Variants in ELF2 observed in about 807,000 individuals in gnomAD.
ELF2 encodes E74 like ETS transcription factor 2, also known as ETS-related transcription factor Elf-2.
ELF2 carries 11 observed loss-of-function variants against 54.8 expected under a neutral mutation model. That is an observed-to-expected ratio of 0.20 (90% CI 0.13 to 0.33). The LOEUF is 0.33. ELF2 is among the 10% of genes least tolerant of loss of function. The pLI, the probability that ELF2 is intolerant of heterozygous loss-of-function variation, is 1.00. For synonymous variants in ELF2, 203 were observed against 245.1 expected, an observed-to-expected ratio of 0.83 and a Z score of 1.61; for missense variants, 513 against 703.0, an observed-to-expected ratio of 0.73 and a Z score of 3.06.
chr4:139,120,412 C>T (rs943522356), intron 4 of ELF2, among the ~76,000 whole-genome samples: 14 of 152,052 alleles, frequency 9.2e-5, no homozygotes, highest in African/African-American at 1.9e-4. Context: ...ACAATTAATC[C>T]TATATCCAAC....
intron 4 of ELF2, among the ~76,000 whole-genome samples, chr4:139,107,790 C>T (rs1002692605): frequency 6.6e-6 from 1 of 152,108 alleles, no homozygotes; most frequent in Admixed American, 6.5e-5. Flanking sequence ...CCAAATATAA[C>T]ATAACAACTC....
chr4:139,112,165 CA>C, intron 4 of ELF2, among the ~76,000 whole-genome samples: 1 of 152,210 alleles, frequency 6.6e-6, no homozygotes, highest in Non-Finnish European at 1.5e-5. Flanking sequence ...TCTCATAATT[CA>C]TATCTAGCCC....
At chr4:139,160,654 G>A (rs142700681) in intron 1 of ELF2, among the ~76,000 whole-genome samples, 161 of 152,190 alleles carry the variant, frequency 1.1e-3, no homozygotes, top group African/African-American at 3.6e-3. Flanking sequence ...CAAAATATAC[G>A]GGAGATTTAA....
chr4:139,144,090 G>C (rs537411114), intron 1 of ELF2, among the ~76,000 whole-genome samples: 2 of 152,110 alleles, frequency 1.3e-5, no homozygotes, highest in South Asian at 4.1e-4. Context: ...GAACTTAATG[G>C]AAAAACGGAA....
At chr4:139,176,315 C>G (rs1177378398) in intron 1 of ELF2, among the ~76,000 whole-genome samples, 1 of 152,226 alleles carries the variant, frequency 6.6e-6, no homozygotes, top group Non-Finnish European at 1.5e-5. Flanking sequence ...CGAGTACAAC[C>G]TGTCGTGCAA....
At chr4:139,063,708 C>A (rs1166204804) in intron 7 of ELF2, among the ~76,000 whole-genome samples, 1 of 152,052 alleles carries the variant, frequency 6.6e-6, no homozygotes, top group African/African-American at 2.4e-5. Context: ...TATCACAAAG[C>A]AATGCATAAT....
intron 1 of ELF2, among the ~76,000 whole-genome samples, chr4:139,156,491 A>C (rs554287839): frequency 1.3e-5 from 2 of 151,758 alleles, no homozygotes; most frequent in Non-Finnish European, 2.9e-5. Flanking sequence ...ACTTATACAT[A>C]TATTCTTGTG....
At chr4:139,121,320 G>A (rs754419625) in intron 4 of ELF2, among the ~76,000 whole-genome samples, 30 of 151,206 alleles carry the variant, frequency 2.0e-4, no homozygotes, top group East Asian at 1.9e-4. Flanking sequence ...GTGTTAGCCA[G>A]GATGGTCTCG....
At chr4:139,072,865 T>G (rs895419563) in intron 5 of ELF2, among the ~76,000 whole-genome samples, 1 of 152,192 alleles carries the variant, frequency 6.6e-6, no homozygotes. Flanking sequence ...TGAATCCCAA[T>G]GAGAAGGTGA....
chr4:139,100,213 T>C (rs545032365), intron 4 of ELF2, among the ~76,000 whole-genome samples: 16 of 152,350 alleles, frequency 1.1e-4, no homozygotes, highest in African/African-American at 2.9e-4. Flanking sequence ...AATGTTAATA[T>C]GTAAAACCCT....
chr4:139,088,498 A>G (rs542837469), intron 4 of ELF2, among the ~76,000 whole-genome samples: 1 of 152,150 alleles, frequency 6.6e-6, no homozygotes, highest in Non-Finnish European at 1.5e-5. Flanking sequence ...CCATCTTACT[A>G]CTTCTCCAAA....
rs952016700 is a variant in ELF2 at position 139,137,872 on chromosome 4, A to G, written c.-166-5T>C. ...AAAGATGATTAACCAGAAAGCCTAA[A>G]AAGAGGAAGAATTTGAAAAGTTATT... is the stretch of plus-strand genomic sequence containing the variant. On this transcript the variant is annotated splice_region_variant and splice_polypyrimidine_tract_variant and intron_variant, in intron 2 of 9. Transcript: ENST00000686138. The G allele has an allele frequency of 4.6e-6, 6 of 1,303,868 alleles. No individual in the cohort carries two copies. The highest frequency in any genetic ancestry group is 2.6e-5 in the South Asian group (1 of 38,026). The allele number at this position is 1,303,868 out of a possible 1,614,324, so 80.8% of individuals were successfully genotyped here. A position where few individuals can be genotyped will look rare whatever the true frequency, so the allele number is the denominator to read the frequency against.
At chr4:139,081,736 C>A (rs1030327321) in intron 4 of ELF2, among the ~76,000 whole-genome samples, 1 of 152,254 alleles carries the variant, frequency 6.6e-6, no homozygotes, top group East Asian at 1.9e-4. Context: ...GATTCCTAAT[C>A]TTCTGGGCCA....
chr4:139,106,357 G>A lies in ELF2; in HGVS notation c.238+18807C>T, dbSNP rs547943935. Among the ~76,000 whole-genome samples the A allele has an allele frequency of 1.6e-3, 247 of 152,118 alleles. 1 individual carries two copies. Among genetic ancestry groups the A allele is most frequent in the Non-Finnish European group, 2.7e-3 (182 of 67,986 alleles). ...TATTAGAGAAAAGAGAATGGAAGTAGGGCAGAACATAGAGGAAGAAAGGAT... is the reference window on the plus strand; with the variant it reads ...TATTAGAGAAAAGAGAATGGAAGTAAGGCAGAACATAGAGGAAGAAAGGAT... On this transcript the variant is annotated intron_variant, in intron 4 of 9. Coordinates refer to ENST00000686138, the MANE Select transcript of ELF2 (RefSeq NM_001331036.3).
At chr4:139,059,712 C>T in intron 9 of ELF2, 105 bp from the exon 10 acceptor site, 1 of 1,376,920 alleles carries the variant, frequency 7.3e-7, no homozygotes, top group Non-Finnish European at 9.8e-7. Flanking sequence ...AAAATTAGTG[C>T]TCCCAAATTT....
chr4:139,086,755 T>C lies in ELF2; in HGVS notation c.239-13188A>G, dbSNP rs1278386071. Among the ~76,000 whole-genome samples the C allele has an allele frequency of 1.3e-5, 2 of 152,224 alleles. 1 individual carries two copies. The highest frequency in any genetic ancestry group is 4.8e-5 in the African/African-American group (2 of 41,460). On this transcript the variant is annotated intron_variant, in intron 4 of 9. Transcript: ENST00000686138. Reference sequence around the variant, plus strand: ...TTAGAGACAATATGATACACAAGACTGCTTATATATGAAATTAAATAATAG... The same window carrying C: ...TTAGAGACAATATGATACACAAGACCGCTTATATATGAAATTAAATAATAG...
At chr4:139,118,311 A>T (rs1179026477) in intron 4 of ELF2, among the ~76,000 whole-genome samples, 2 of 152,222 alleles carry the variant, frequency 1.3e-5, no homozygotes, top group Non-Finnish European at 2.9e-5. Flanking sequence ...AGGTAAGGGG[A>T]TGTTTATTGT....
chr4:139,060,013 ATTT>A (rs1727597616), intron 9 of ELF2, among the ~76,000 whole-genome samples: 1 of 151,996 alleles, frequency 6.6e-6, no homozygotes, highest in South Asian at 2.1e-4. Flanking sequence ...ATGCTCAGCA[ATTT>A]TTTATTTTTA....
intron 1 of ELF2, among the ~76,000 whole-genome samples, chr4:139,147,093 A>G (rs1739293360): frequency 6.6e-6 from 1 of 152,224 alleles, no homozygotes; most frequent in Non-Finnish European, 1.5e-5. Flanking sequence ...CATCAGAGTA[A>G]AGAGACAACC....
Sources: allele counts gnomAD v4.1 joint callset (sites outside exome capture counted in the v4.1 genomes callset), GRCh38; gene constraint gnomAD v4.1.1; transcripts MANE v1.5; gene names NCBI Gene and HGNC (gene_info 2026-07-23, HGNC 2026-07-21).